Variants in ITSN1 observed in about 807,000 individuals in gnomAD.
ITSN1 encodes intersectin 1, also known as intersectin-1.
Under a neutral mutation model 239.8 loss-of-function variants are expected in ITSN1, and 58 were observed. The ratio of observed to expected loss-of-function variants is 0.24; its 90% CI spans 0.20 to 0.30. The LOEUF is 0.30. ITSN1 is among the 10% of genes least tolerant of loss of function. The probability of loss-of-function intolerance (pLI) is 1.00; values close to 1 mark genes in which losing one functional copy is unlikely to be tolerated. For synonymous variants in ITSN1, 780 were observed against 770.8 expected (o/e 1.01, Z -0.20); for missense variants, 1,558 against 2,103.3 (o/e 0.74, Z 5.07).
chr21:33,880,189 T>G (rs1322029105), intron 34 of ITSN1, among the ~76,000 whole-genome samples: 1 of 152,098 alleles, frequency 6.6e-6, no homozygotes, highest in East Asian at 1.9e-4. Flanking sequence ...CACACACCAG[T>G]GATTAAGTTT....
Position 33,888,477 on chromosome 21 carries a change from G to A in ITSN1, c.*177G>A, listed in dbSNP as rs576233478. The A allele has an allele frequency of 5.2e-5, 32 of 618,388 alleles. No homozygotes were observed. The highest frequency in any genetic ancestry group is 2.6e-4 in the South Asian group (12 of 45,776). The allele number at this position is 618,388 out of a possible 1,614,324, so 38.3% of individuals were successfully genotyped here. ...CATTCTCGACAATCCTCCCTGCCCC[G>A]AAACAATTTCCTGTTTCATGAAACA... On this transcript the variant is annotated 3_prime_UTR_variant, in exon 40 of 40. Coordinates refer to ENST00000381318, the MANE Select transcript of ITSN1 (RefSeq NM_003024.3).
intron 1 of ITSN1, among the ~76,000 whole-genome samples, chr21:33,687,583 G>A (rs2091312335): frequency 6.6e-6 from 1 of 151,996 alleles, no homozygotes. Context: ...TTTCTCTCAG[G>A]TGATCTATGT....
intron 4 of ITSN1, among the ~76,000 whole-genome samples, chr21:33,726,316 A>G (rs1317360641): frequency 6.6e-6 from 1 of 151,784 alleles, no homozygotes; most frequent in East Asian, 1.9e-4. Flanking sequence ...TTAAAATTGC[A>G]ACTAATAATA....
At chr21:33,747,855 A>G (rs1234362530) in intron 5 of ITSN1, among the ~76,000 whole-genome samples, 1 of 152,226 alleles carries the variant, frequency 6.6e-6, no homozygotes, top group African/African-American at 2.4e-5. Context: ...ATGAAATGAA[A>G]TGACAAAAGG....
chr21:33,753,999 T>C (rs2067746531), intron 7 of ITSN1, among the ~76,000 whole-genome samples: 1 of 152,146 alleles, frequency 6.6e-6, no homozygotes, highest in South Asian at 2.1e-4. Flanking sequence ...TGGGTACATC[T>C]TCATGAGTTT....
At chr21:33,713,441 A>T (rs2092472956) in intron 1 of ITSN1, among the ~76,000 whole-genome samples, 1 of 151,676 alleles carries the variant, frequency 6.6e-6, no homozygotes. Flanking sequence ...ACGGGGTTTC[A>T]CCATGTTAGC....
At chr21:33,860,900 G>A (rs1453776997) in intron 31 of ITSN1, among the ~76,000 whole-genome samples, 1 of 152,184 alleles carries the variant, frequency 6.6e-6, no homozygotes, top group Non-Finnish European at 1.5e-5. Flanking sequence ...CTGAGAGCAA[G>A]GGAATCAGGT....
At chr21:33,881,456 C>T (rs1253942745) in intron 34 of ITSN1, among the ~76,000 whole-genome samples, 3 of 148,966 alleles carry the variant, frequency 2.0e-5, no homozygotes, top group Non-Finnish European at 3.0e-5. Flanking sequence ...TGCAGTCACA[C>T]ACATGCCAGG....
intron 1 of ITSN1, among the ~76,000 whole-genome samples, chr21:33,662,226 A>G (rs927691829): frequency 2.0e-5 from 3 of 152,070 alleles, no homozygotes; most frequent in Non-Finnish European, 4.4e-5. Flanking sequence ...ACTGGGTGTT[A>G]CTGAAGTGAA....
intron 34 of ITSN1, among the ~76,000 whole-genome samples, chr21:33,876,899 G>GTAGATATAGATA (rs147788123): frequency 1.5e-4 from 22 of 150,940 alleles, no homozygotes; most frequent in Admixed American, 2.6e-4. Context: ...AGATATAGAT[G>GTAGATATAGATA]TAGATATAGA....
intron 29 of ITSN1, among the ~76,000 whole-genome samples, chr21:33,853,817 G>A (rs1276209578): frequency 1.3e-5 from 2 of 152,202 alleles, no homozygotes; most frequent in African/African-American, 4.8e-5. Context: ...CCCTGGGACT[G>A]GAGTGGGATG....
chr21:33,647,664 G>A (rs1221323157), intron 1 of ITSN1, among the ~76,000 whole-genome samples: 3 of 151,846 alleles, frequency 2.0e-5, no homozygotes, highest in African/African-American at 7.3e-5. Flanking sequence ...CCTGGCTAAT[G>A]TTTGTATTTT....
chr21:33,789,414 A>G (rs965654530), intron 16 of ITSN1, among the ~76,000 whole-genome samples: 2 of 152,152 alleles, frequency 1.3e-5, no homozygotes, highest in African/African-American at 4.8e-5. Context: ...ATCTTGATTT[A>G]TGGTTTTGAG....
rs199563266 is a variant in ITSN1 at position 33,783,024 on chromosome 21, C to CA, written c.1824+901dup. ...TGGGTGACAGAGCAAGACTCTGTCT[C>CA]AAAAAAAAAAGGAATGTTAATTCTT... On this transcript the variant is annotated intron_variant, in intron 16 of 39. Transcript: ENST00000381318. 4.8e-3 allele frequency among the ~76,000 whole-genome samples: 674 copies of CA among 139,516 alleles called. 10 individuals carry two copies. Among genetic ancestry groups the CA allele is most frequent in the African/African-American group, 0.016 (612 of 37,934 alleles). 91.5% of individuals were successfully genotyped at this position (139,516 alleles called of 152,430 possible).
intron 21 of ITSN1, among the ~76,000 whole-genome samples, 183 bp downstream of exon 21, chr21:33,811,405 A>G (rs576488149): frequency 2.6e-5 from 4 of 152,116 alleles, no homozygotes; most frequent in Non-Finnish European, 5.9e-5. Context: ...GGATTTAATG[A>G]TATCATTGTC....
chr21:33,710,077 T>G (rs982927885), intron 1 of ITSN1, among the ~76,000 whole-genome samples: 48 of 151,502 alleles, frequency 3.2e-4, no homozygotes, highest in African/African-American at 1.1e-3. Flanking sequence ...AGGCATTTTT[T>G]TTTGTTTTTT....
chr21:33,678,433 ACT>A lies in ITSN1; in HGVS notation c.-33+35723_-33+35724del, dbSNP rs1256048041. 3.9e-5 allele frequency among the ~76,000 whole-genome samples: 6 copies of A among 152,138 alleles called. No homozygotes were observed. In the South Asian group the frequency reaches 8.3e-4, roughly 21 times the overall value. On this transcript the variant is annotated intron_variant, in intron 1 of 39. Transcript: ENST00000381318. Reference sequence around the variant, plus strand: ...TCGAGAATGTAAGCTCCCAGAGGACACTCTGTTTTGTTCACTTCTGAATCCCT... The same window carrying A: ...TCGAGAATGTAAGCTCCCAGAGGACACTGTTTTGTTCACTTCTGAATCCCT...
chr21:33,774,574 A>C (rs1247131403), intron 12 of ITSN1, 155 bp from the exon 13 acceptor site: 2 of 640,510 alleles, frequency 3.1e-6, no homozygotes, highest in Non-Finnish European at 5.4e-6. Context: ...GGAATACTGT[A>C]TTTTTATGTA....
At chr21:33,734,933 C>T (rs2066408897) in intron 4 of ITSN1, 111 bp from the exon 5 acceptor site, 6 of 834,506 alleles carry the variant, frequency 7.2e-6, no homozygotes, top group Middle Eastern at 4.7e-4. Context: ...CTGTTGTTGT[C>T]TCTAGGGGTA....
Sources: allele counts gnomAD v4.1 joint callset (sites outside exome capture counted in the v4.1 genomes callset), GRCh38; gene constraint gnomAD v4.1.1; transcripts MANE v1.5; gene names NCBI Gene and HGNC (gene_info 2026-07-23, HGNC 2026-07-21).